MARCHF1: variants seen among roughly 807,000 people sequenced by gnomAD.
MARCHF1 encodes membrane associated ring-CH-type finger 1.
MARCHF1 carries 40 observed loss-of-function variants against 54.2 expected under a neutral mutation model. The observed-to-expected ratio is 0.74, with a 90% confidence interval of 0.57 to 0.96. The LOEUF is 0.96. Ranked by LOEUF, MARCHF1 falls within the 40% of genes least tolerant of loss-of-function variation. The pLI is 0.00. For missense variants in MARCHF1, 586 were observed against 656.5 expected, an observed-to-expected ratio of 0.89 and a Z score of 1.17; for synonymous variants, 236 against 236.3, an observed-to-expected ratio of 1.00 and a Z score of 0.01.
At chr4:163,981,908 C>T (rs543869973) in intron 3 of MARCHF1, among the ~76,000 whole-genome samples, 1 of 152,296 alleles carries the variant, frequency 6.6e-6, no homozygotes, top group South Asian at 2.1e-4. Flanking sequence ...TGAAGTTCTA[C>T]ACCAGGGAGG....
rs1000906875 is a variant in MARCHF1 at position 164,248,744 on chromosome 4, A to T, written c.-323+135126T>A. Among the ~76,000 whole-genome samples, 23 of 152,068 alleles carry T rather than the reference A, an allele frequency of 1.5e-4. 1 individual carries two copies. Among genetic ancestry groups the T allele is most frequent in the Middle Eastern group, 6.8e-3 (2 of 294 alleles). On this transcript the variant is annotated intron_variant, in intron 1 of 9. Transcript: ENST00000514618. ...AAATTAGGAAAACAATTGTTAAAAA[A>T]ATATATATATTACTGGCAACATCTC... is the stretch of plus-strand genomic sequence containing the variant.
intron 4 of MARCHF1, among the ~76,000 whole-genome samples, chr4:163,763,820 T>C (rs1746899396): frequency 6.6e-6 from 1 of 152,078 alleles, no homozygotes; most frequent in Admixed American, 6.6e-5. Context: ...TCACTCATTC[T>C]ATTCTAGTGT....
chr4:164,303,453 C>A (rs77823065), intron 1 of MARCHF1, among the ~76,000 whole-genome samples: 1 of 152,094 alleles, frequency 6.6e-6, no homozygotes, highest in Non-Finnish European at 1.5e-5. Flanking sequence ...TTTAACTTTT[C>A]GGAGCTTAGT....
intron 7 of MARCHF1, among the ~76,000 whole-genome samples, chr4:163,591,004 G>A (rs1261196040): frequency 6.6e-6 from 1 of 151,232 alleles, no homozygotes; most frequent in Non-Finnish European, 1.5e-5. Context: ...TAGACTATTA[G>A]GAAGAATTAA....
intron 1 of MARCHF1, among the ~76,000 whole-genome samples, chr4:164,166,491 A>G (rs997550046): frequency 3.9e-5 from 6 of 151,936 alleles, no homozygotes; most frequent in African/African-American, 1.4e-4. Context: ...CTAGAAGGAA[A>G]ACATCCCAAC....
chr4:163,900,351 T>TAAA (rs35805253), intron 3 of MARCHF1, among the ~76,000 whole-genome samples: 26,142 of 150,520 alleles, frequency 0.17, 2,458 homozygotes, highest in South Asian at 0.31. Flanking sequence ...TTTTTTTTTT[T>TAAA]AAAAAAACTC....
At chr4:163,578,805 G>A (rs1012490385) in intron 8 of MARCHF1, among the ~76,000 whole-genome samples, 2 of 152,140 alleles carry the variant, frequency 1.3e-5, no homozygotes, top group African/African-American at 2.4e-5. Context: ...GCTCCCCAAG[G>A]GTAGGGTTTT....
chr4:164,274,804 G>A (rs769106586), intron 1 of MARCHF1, among the ~76,000 whole-genome samples: 3 of 149,508 alleles, frequency 2.0e-5, no homozygotes, highest in Non-Finnish European at 4.5e-5. Context: ...AGCCTCCCGA[G>A]TAGCTGGGAC....
chr4:164,275,059 TAAC>T (rs1290390762), intron 1 of MARCHF1, among the ~76,000 whole-genome samples: 4 of 151,354 alleles, frequency 2.6e-5, no homozygotes, highest in East Asian at 3.9e-4. Context: ...TTAATAATAA[TAAC>T]AATAAATTCC....
At chr4:163,974,088 A>G (rs1752603099) in intron 3 of MARCHF1, among the ~76,000 whole-genome samples, 1 of 152,218 alleles carries the variant, frequency 6.6e-6, no homozygotes, top group Admixed American at 6.5e-5. Context: ...TAAAATGAAG[A>G]TAATGAGAGT....
At chr4:163,883,421 C>T (rs561683045) in intron 3 of MARCHF1, among the ~76,000 whole-genome samples, 40 of 147,502 alleles carry the variant, frequency 2.7e-4, no homozygotes, top group African/African-American at 9.2e-4. Flanking sequence ...GGGTTCTGAA[C>T]TGAATTCTTT....
At chr4:164,141,534 A>G (rs925997047) in intron 1 of MARCHF1, among the ~76,000 whole-genome samples, 2 of 152,180 alleles carry the variant, frequency 1.3e-5, no homozygotes, top group African/African-American at 2.4e-5. Context: ...TATTTTTATA[A>G]CCTGCACCTT....
chr4:163,826,233 G>A (rs1748843725), intron 4 of MARCHF1, among the ~76,000 whole-genome samples: 2 of 151,860 alleles, frequency 1.3e-5, no homozygotes, highest in Admixed American at 6.6e-5. Flanking sequence ...AGAGTAATTT[G>A]TAATTTTTAG....
intron 4 of MARCHF1, among the ~76,000 whole-genome samples, chr4:163,746,096 T>C (rs1160428844): frequency 6.6e-6 from 1 of 152,218 alleles, no homozygotes; most frequent in Non-Finnish European, 1.5e-5. Context: ...TATAATGACA[T>C]AGATCCATCT....
At chr4:164,215,677 T>C (rs1282735564) in intron 1 of MARCHF1, among the ~76,000 whole-genome samples, 2 of 151,800 alleles carry the variant, frequency 1.3e-5, no homozygotes, top group African/African-American at 2.4e-5. Context: ...CAAAATTAAG[T>C]AAGGTTGAGA....
chr4:164,069,655 T>G (rs1560889601), intron 2 of MARCHF1, among the ~76,000 whole-genome samples: 2 of 151,782 alleles, frequency 1.3e-5, no homozygotes, highest in African/African-American at 4.8e-5. Context: ...AACAAACTCT[T>G]TGGACACGCC....
chr4:163,935,398 A>G (rs2110733832), intron 3 of MARCHF1, among the ~76,000 whole-genome samples: 1 of 152,328 alleles, frequency 6.6e-6, no homozygotes, highest in Admixed American at 6.5e-5. Context: ...AGACACCTTA[A>G]TTAATTATCT....
chr4:163,758,515 T>C (rs1302663790), intron 4 of MARCHF1, among the ~76,000 whole-genome samples: 1 of 152,178 alleles, frequency 6.6e-6, no homozygotes, highest in Non-Finnish European at 1.5e-5. Flanking sequence ...ATTTCTCTGA[T>C]AAATAAACTG....
chr4:164,226,047 C>T (rs868016594), intron 1 of MARCHF1, among the ~76,000 whole-genome samples: 1 of 151,974 alleles, frequency 6.6e-6, no homozygotes, highest in Non-Finnish European at 1.5e-5. Context: ...ACAATCAACT[C>T]GCCTTCACCA....
Sources: gnomAD v4.1 joint callset for allele counts (sites outside exome capture counted in the v4.1 genomes callset) on GRCh38, gnomAD v4.1.1 for gene constraint, MANE v1.5 for transcripts, NCBI Gene and HGNC (gene_info 2026-07-23, HGNC 2026-07-21) for gene names.